The following PDS5B variants were observed in gnomAD, a reference collection of about 807,000 sequenced individuals.
PDS5B encodes sister chromatid cohesion protein PDS5 homolog B.
Under a neutral mutation model 184.1 loss-of-function variants are expected in PDS5B, and 51 were observed. The ratio of observed to expected loss-of-function variants is 0.28; its 90% CI spans 0.22 to 0.35. The LOEUF (loss-of-function observed/expected upper bound fraction) is 0.35. PDS5B is among the 10% of genes least tolerant of loss of function. The probability of loss-of-function intolerance (pLI) is 1.00; values close to 1 mark genes in which losing one functional copy is unlikely to be tolerated. For synonymous variants in PDS5B, 566 were observed against 569.2 expected (o/e 0.99, Z 0.08); for missense variants, 1,180 against 1,723.3 (o/e 0.68, Z 5.58).
At chr13:32,740,549 G>A (rs553677657) in intron 21 of PDS5B, among the ~76,000 whole-genome samples, 14 of 152,156 alleles carry the variant, frequency 9.2e-5, no homozygotes, top group African/African-American at 2.6e-4. Context: ...TCCAAGATTG[G>A]TTCAGCTCTT....
At chr13:32,675,563 A>T (rs549640168) in intron 8 of PDS5B, among the ~76,000 whole-genome samples, 2 of 152,348 alleles carry the variant, frequency 1.3e-5, no homozygotes, top group East Asian at 3.9e-4. Flanking sequence ...GAATAGAAAT[A>T]AACTTTAATT....
At chr13:32,774,223 A>C (rs1387182279) in intron 34 of PDS5B, among the ~76,000 whole-genome samples, 7 of 152,182 alleles carry the variant, frequency 4.6e-5, no homozygotes, top group Admixed American at 3.9e-4. Flanking sequence ...TGTTTGAGAA[A>C]CCCAAGCTCT....
At chr13:32,726,720 T>C (rs1349397752) in intron 19 of PDS5B, among the ~76,000 whole-genome samples, 1 of 152,176 alleles carries the variant, frequency 6.6e-6, no homozygotes. Flanking sequence ...ATATTTTTCC[T>C]TTCCATTTTT....
intron 18 of PDS5B, among the ~76,000 whole-genome samples, chr13:32,709,173 T>G (rs1952121660): frequency 6.6e-6 from 1 of 152,090 alleles, no homozygotes. Flanking sequence ...GTGTGCTGTT[T>G]TTTTTACATT....
intron 33 of PDS5B, among the ~76,000 whole-genome samples, chr13:32,772,159 T>TA (rs1174935250): frequency 1.3e-5 from 2 of 152,124 alleles, no homozygotes; most frequent in African/African-American, 4.8e-5. Context: ...CCAAACCAAG[T>TA]AAAAAAATTG....
intron 34 of PDS5B, among the ~76,000 whole-genome samples, chr13:32,773,644 C>A (rs17077824): frequency 0.013 from 2,041 of 152,222 alleles, 29 homozygotes; most frequent in South Asian, 0.062. Context: ...TTATATTTTA[C>A]AACTCTCCGT....
Position 32,729,101 on chromosome 13 carries a change from C to T in PDS5B, c.2124-3000C>T, listed in dbSNP as rs938618191. Reference sequence around the variant, plus strand: ...CCTAATGCTCTCCCTCCCCTTGCCCCCCACCCCACAACAGGCCCTGGTGTG... The same window carrying T: ...CCTAATGCTCTCCCTCCCCTTGCCCTCCACCCCACAACAGGCCCTGGTGTG... On this transcript the variant is annotated intron_variant, in intron 19 of 34. Coordinates refer to ENST00000315596, the MANE Select transcript of PDS5B (RefSeq NM_015032.4). Among the ~76,000 whole-genome samples the T allele has an allele frequency of 5.3e-5, 8 of 152,172 alleles. No individual in the cohort carries two copies. The East Asian group carries it at 1.2e-3, about 22-fold the overall frequency.
chr13:32,604,673 G>A (rs1239019441), intron 1 of PDS5B, among the ~76,000 whole-genome samples: 2 of 151,930 alleles, frequency 1.3e-5, no homozygotes, highest in Non-Finnish European at 2.9e-5. Flanking sequence ...TGTACCTCTG[G>A]TAGAATTTGG....
intron 6 of PDS5B, among the ~76,000 whole-genome samples, chr13:32,662,947 G>A (rs1269652572): frequency 6.6e-6 from 1 of 152,036 alleles, no homozygotes; most frequent in Non-Finnish European, 1.5e-5. Flanking sequence ...AATTCCATGA[G>A]GAATATTTTA....
At chr13:32,721,777 G>T (rs1952717367) in intron 19 of PDS5B, among the ~76,000 whole-genome samples, 1 of 151,630 alleles carries the variant, frequency 6.6e-6, no homozygotes, top group South Asian at 2.1e-4. Flanking sequence ...TGGCAGAGGG[G>T]CTCCTCACAT....
chr13:32,763,888 T>C (rs1208567383), intron 30 of PDS5B, among the ~76,000 whole-genome samples: 1 of 152,166 alleles, frequency 6.6e-6, no homozygotes, highest in Non-Finnish European at 1.5e-5. Context: ...GAGATTGAGA[T>C]TTAGAGTTCA....
At chr13:32,752,172 T>C (rs1239108445) in intron 24 of PDS5B, among the ~76,000 whole-genome samples, 1 of 152,190 alleles carries the variant, frequency 6.6e-6, no homozygotes, top group Admixed American at 6.5e-5. Flanking sequence ...CAGTAAGATA[T>C]TTTAAGAACA....
chr13:32,674,481 G>A (rs1951016202), intron 8 of PDS5B, among the ~76,000 whole-genome samples: 1 of 152,054 alleles, frequency 6.6e-6, no homozygotes, highest in Non-Finnish European at 1.5e-5. Flanking sequence ...GAGGCAGCAG[G>A]TAGCCACACC....
chr13:32,655,027 C>T (rs1268856694), intron 3 of PDS5B, among the ~76,000 whole-genome samples: 1 of 151,964 alleles, frequency 6.6e-6, no homozygotes, highest in Non-Finnish European at 1.5e-5. Context: ...GATTTATATT[C>T]CTTTGGTTAT....
At chr13:32,594,693 ATTTGTT>A (rs2057831179) in intron 1 of PDS5B, among the ~76,000 whole-genome samples, 1 of 152,198 alleles carries the variant, frequency 6.6e-6, no homozygotes, top group Non-Finnish European at 1.5e-5. Context: ...GTCTTAAACT[ATTTGTT>A]TTTGTTTTTG....
At position 32,673,281 on chromosome 13, in the gene PDS5B, C is replaced by T; in HGVS notation, c.771C>T (p.Asp257=). ...GCGATTTGTCAGAGCATGTCTTTGACTTAATTTTGGAGCTCTACAATATTG... is the reference window on the plus strand; with the variant it reads ...GCGATTTGTCAGAGCATGTCTTTGATTTAATTTTGGAGCTCTACAATATTG... ...SISDLSEHVF[D]LILELYNIDS... is the part of the protein sequence containing the mutation. Residue 257 remains aspartate, a synonymous_variant, in exon 8 of 35, where the codon GAC becomes GAT. Transcript: ENST00000315596. 6.2e-7 allele frequency: 1 copy of T among 1,613,178 alleles called. No individual in the cohort carries two copies. The highest frequency in any genetic ancestry group is 8.5e-7 in the Non-Finnish European group (1 of 1,179,418).
intron 7 of PDS5B, among the ~76,000 whole-genome samples, chr13:32,669,365 A>C (rs1051437652): frequency 1.5e-4 from 23 of 151,678 alleles, no homozygotes; most frequent in African/African-American, 5.3e-4. Flanking sequence ...AAAGAACGCT[A>C]TACTGTATTG....
At chr13:32,713,853 CAA>C (rs1377636953) in intron 19 of PDS5B, among the ~76,000 whole-genome samples, 1 of 152,078 alleles carries the variant, frequency 6.6e-6, no homozygotes, top group Admixed American at 6.6e-5. Flanking sequence ...TCAGGGATTG[CAA>C]AAGTGATTTC....
At chr13:32,764,781 T>C (rs541366955) in intron 31 of PDS5B, among the ~76,000 whole-genome samples, 187 bp downstream of exon 31, 25 of 152,316 alleles carry the variant, frequency 1.6e-4, no homozygotes, top group African/African-American at 5.1e-4. Flanking sequence ...CTGTGCTTCT[T>C]ATCAATGTGA....
Sources: gnomAD v4.1 joint callset for allele counts (sites outside exome capture counted in the v4.1 genomes callset) on GRCh38, gnomAD v4.1.1 for gene constraint, MANE v1.5 for transcripts, NCBI Gene and HGNC (gene_info 2026-07-23, HGNC 2026-07-21) for gene names.